The following CLSTN2 variants were observed in gnomAD, a reference collection of about 807,000 sequenced individuals.
The protein encoded by CLSTN2 is calsyntenin-2.
A neutral mutation model predicts 101.2 loss-of-function variants in CLSTN2; 48 were observed. The ratio of observed to expected loss-of-function variants is 0.47; its 90% CI spans 0.38 to 0.60. CLSTN2 has a LOEUF of 0.60. CLSTN2 is among the 20% of genes least tolerant of loss of function. The pLI, the probability that CLSTN2 is intolerant of heterozygous loss-of-function variation, is 0.00. For synonymous variants in CLSTN2, 481 were observed against 463.6 expected (o/e 1.04, Z -0.48); for missense variants, 1,160 against 1,238.2 (o/e 0.94, Z 0.95).
At chr3:140,233,022 C>T (rs1260283994) in intron 2 of CLSTN2, among the ~76,000 whole-genome samples, 1 of 152,102 alleles carries the variant, frequency 6.6e-6, no homozygotes, top group East Asian at 1.9e-4. Context: ...AAGAGAAATG[C>T]AGATGTAATT....
At chr3:140,454,480 C>T (rs1933345634) in intron 6 of CLSTN2, 1 of 152,050 alleles carries the variant, frequency 6.6e-6, no homozygotes, top group African/African-American at 2.4e-5. Context: ...GAAAGGACAT[C>T]AAAAAGTCCT....
intron 1 of CLSTN2, among the ~76,000 whole-genome samples, chr3:140,070,685 G>T (rs2008375343): frequency 6.6e-6 from 1 of 152,082 alleles, no homozygotes; most frequent in Non-Finnish European, 1.5e-5. Context: ...GTCCCAAAAG[G>T]TTTGTTTTTT....
At chr3:140,338,938 T>C (rs1290968144) in intron 2 of CLSTN2, among the ~76,000 whole-genome samples, 2 of 152,192 alleles carry the variant, frequency 1.3e-5, no homozygotes, top group Non-Finnish European at 2.9e-5. Flanking sequence ...TCTAATGAGC[T>C]GGGGAGCACA....
chr3:140,300,302 T>C (rs542631930), intron 2 of CLSTN2, among the ~76,000 whole-genome samples: 1 of 152,332 alleles, frequency 6.6e-6, no homozygotes, highest in Admixed American at 6.5e-5. Flanking sequence ...GCTGGTTCTT[T>C]GATGCTGATT....
intron 1 of CLSTN2, among the ~76,000 whole-genome samples, chr3:139,998,978 T>C (rs1003528163): frequency 7.1e-6 from 1 of 140,434 alleles, no homozygotes; most frequent in African/African-American, 2.5e-5. Context: ...GCTTTCCTCT[T>C]CTGCCCGGAC....
chr3:140,307,444 C>T (rs1253711190), intron 2 of CLSTN2, among the ~76,000 whole-genome samples: 1 of 151,920 alleles, frequency 6.6e-6, no homozygotes, highest in East Asian at 1.9e-4. Flanking sequence ...ATTATCATGT[C>T]CATGTCTCAC....
chr3:140,086,676 C>T (rs74640085), intron 1 of CLSTN2, among the ~76,000 whole-genome samples: 3,586 of 152,214 alleles, frequency 0.024, 134 homozygotes, highest in African/African-American at 0.08. Flanking sequence ...GCTCATAAAC[C>T]GTCTCTTTCA....
In CLSTN2 at chr3:140,466,694, C is replaced by T. The variant is rs756866906; in HGVS notation, c.1307C>T (p.Thr436Ile). 16 of 1,614,002 alleles carry T rather than the reference C, an allele frequency of 9.9e-6. No individual in the cohort carries two copies. Among genetic ancestry groups the T allele is most frequent in the Admixed American group, 6.7e-5 (4 of 60,004 alleles). Reference sequence around the variant, plus strand: ...CGGAAGGACTTCGACCAGGCTGACACCTTTCGCCCCGCGGAGTTCCACTGG... The same window carrying T: ...CGGAAGGACTTCGACCAGGCTGACATCTTTCGCCCCGCGGAGTTCCACTGG... Reference protein sequence around the residue: ...LLRKDFDQADTFRPAEFHWKL... With the variant: ...LLRKDFDQADIFRPAEFHWKL... The change falls in exon 8 of 17, where the codon ACC (threonine) becomes ATC (isoleucine). Residue 436 changes from threonine to isoleucine, a missense_variant. Coordinates refer to ENST00000458420, the MANE Select transcript of CLSTN2 (RefSeq NM_022131.3).
chr3:140,037,548 T>C (rs2007678613), intron 1 of CLSTN2, among the ~76,000 whole-genome samples: 1 of 152,132 alleles, frequency 6.6e-6, no homozygotes, highest in Non-Finnish European at 1.5e-5. Flanking sequence ...ATTCGTCTTT[T>C]TTTTTTTCAT....
rs1985495055 is a variant in CLSTN2, at chr3:140,570,424, GA to G, written c.*4173del. 1 of 152,140 alleles carries G rather than the reference GA, an allele frequency of 6.6e-6. No individual in the cohort carries two copies. Among genetic ancestry groups the G allele is most frequent in the African/African-American group, 2.4e-5 (1 of 41,440 alleles). 9.4% of individuals were successfully genotyped at this position (152,140 alleles called of 1,614,324 possible). A position where few individuals can be genotyped will look rare whatever the true frequency, so the allele number is the denominator to read the frequency against. ...CCTAGAGATGATTTGAAGAACACAGGAAGTTGTGCATAGGCTATATGCAAAT... is the reference window on the plus strand; with the variant it reads ...CCTAGAGATGATTTGAAGAACACAGGAGTTGTGCATAGGCTATATGCAAAT... On this transcript the variant is annotated 3_prime_UTR_variant, in exon 17 of 17. Transcript: ENST00000458420.
chr3:140,298,389 G>A (rs1174020355), intron 2 of CLSTN2, among the ~76,000 whole-genome samples: 1 of 152,190 alleles, frequency 6.6e-6, no homozygotes, highest in African/African-American at 2.4e-5. Flanking sequence ...AGACCGGAAG[G>A]AAATAACAAT....
intron 2 of CLSTN2, among the ~76,000 whole-genome samples, chr3:140,274,480 C>T (rs1357133033): frequency 6.6e-6 from 1 of 152,188 alleles, no homozygotes; most frequent in East Asian, 1.9e-4. Context: ...CATGAGCCAG[C>T]ATCTTCAGAC....
chr3:140,333,682 CTGTGTGTGTGTGTG>C (rs10545391), intron 2 of CLSTN2, among the ~76,000 whole-genome samples: 2 of 147,560 alleles, frequency 1.4e-5, no homozygotes, highest in African/African-American at 5.0e-5. Context: ...AGAGTGGAGA[CTGTGTGTGTGTGTG>C]TGTGTGTGTG....
intron 2 of CLSTN2, among the ~76,000 whole-genome samples, chr3:140,207,129 T>A (rs148738295): frequency 1.3e-5 from 2 of 152,324 alleles, no homozygotes; most frequent in African/African-American, 4.8e-5. Context: ...AGAGCCAACC[T>A]ATCACATGTC....
chr3:140,150,884 C>T (rs1217224157), intron 1 of CLSTN2, among the ~76,000 whole-genome samples: 3 of 152,104 alleles, frequency 2.0e-5, no homozygotes, highest in Admixed American at 2.0e-4. Flanking sequence ...AAGATAGGTG[C>T]TCAGCCCATA....
chr3:140,148,753 G>A (rs995085649), intron 1 of CLSTN2, among the ~76,000 whole-genome samples: 4 of 152,140 alleles, frequency 2.6e-5, no homozygotes, highest in Admixed American at 6.5e-5. Context: ...TTTTATTGTC[G>A]ATATGCCATT....
chr3:140,387,098 GA>G (rs1289002700), intron 2 of CLSTN2, among the ~76,000 whole-genome samples: 2 of 152,180 alleles, frequency 1.3e-5, no homozygotes, highest in African/African-American at 2.4e-5. Flanking sequence ...ATGAGATGAG[GA>G]AGTACAGATT....
chr3:140,451,771 G>A (rs778739962), intron 6 of CLSTN2, among the ~76,000 whole-genome samples: 3 of 152,188 alleles, frequency 2.0e-5, no homozygotes, highest in African/African-American at 4.8e-5. Context: ...ACAAGTTTCT[G>A]TGTGTCTTCA....
intron 1 of CLSTN2, among the ~76,000 whole-genome samples, chr3:140,166,984 A>G (rs1326879246): frequency 6.6e-6 from 1 of 152,224 alleles, no homozygotes. Flanking sequence ...TTGGAACAAA[A>G]AGACAAAGCA....
Sources: allele counts gnomAD v4.1 joint callset (sites outside exome capture counted in the v4.1 genomes callset), GRCh38; gene constraint gnomAD v4.1.1; transcripts MANE v1.5; gene names NCBI Gene and HGNC (gene_info 2026-07-23, HGNC 2026-07-21).